Variants in AUTS2 observed in about 807,000 individuals in gnomAD.
AUTS2 encodes activator of transcription and developmental regulator AUTS2.
In AUTS2, 17 loss-of-function variants were observed where a neutral mutation model predicts 112.4. The ratio of observed to expected loss-of-function variants is 0.15; its 90% CI spans 0.10 to 0.23. AUTS2 has a LOEUF of 0.23. Among genes scored for constraint, AUTS2 ranks in the 10% least tolerant of loss-of-function variants. The probability of loss-of-function intolerance (pLI) is 1.00; values close to 1 mark genes in which losing one functional copy is unlikely to be tolerated. For missense variants in AUTS2, 1,510 were observed against 1,701.6 expected, an observed-to-expected ratio of 0.89 and a Z score of 1.98; for synonymous variants, 751 against 702.7, an observed-to-expected ratio of 1.07 and a Z score of -1.09.
intron 5 of AUTS2, among the ~76,000 whole-genome samples, chr7:70,442,348 C>T (rs1048102651): frequency 6.6e-6 from 1 of 152,108 alleles, no homozygotes; most frequent in Non-Finnish European, 1.5e-5. Context: ...ACTTCCTGGA[C>T]CCCCAAAATG....
chr7:69,809,566 C>T (rs560926094), intron 1 of AUTS2, among the ~76,000 whole-genome samples: 16 of 152,280 alleles, frequency 1.1e-4, no homozygotes, highest in African/African-American at 3.8e-4. Context: ...AAGACAAATA[C>T]CCATGCTCAG....
chr7:69,920,435 C>T (rs929358541), intron 2 of AUTS2, among the ~76,000 whole-genome samples: 3 of 152,000 alleles, frequency 2.0e-5, no homozygotes, highest in African/African-American at 7.2e-5. Flanking sequence ...TACAGGTATG[C>T]ACCACCATGC....
chr7:70,483,607 A>G (rs143631544), intron 5 of AUTS2, among the ~76,000 whole-genome samples: 4 of 152,134 alleles, frequency 2.6e-5, no homozygotes, highest in South Asian at 2.1e-4. Context: ...CAGTTTCCTC[A>G]TCTGGAAAAT....
intron 2 of AUTS2, among the ~76,000 whole-genome samples, chr7:70,111,829 C>T (rs1003982364): frequency 6.6e-6 from 1 of 152,024 alleles, no homozygotes; most frequent in African/African-American, 2.4e-5. Context: ...ATGTTTACTT[C>T]TGTATTTAGA....
chr7:70,476,445 CAG>C (rs1249312352), intron 5 of AUTS2, among the ~76,000 whole-genome samples: 2 of 152,348 alleles, frequency 1.3e-5, no homozygotes, highest in South Asian at 4.1e-4. Context: ...AGACCAGAGA[CAG>C]AGTCTTTCCA....
At chr7:69,889,489 C>T (rs1463711793) in intron 1 of AUTS2, among the ~76,000 whole-genome samples, 1 of 152,210 alleles carries the variant, frequency 6.6e-6, no homozygotes, top group East Asian at 1.9e-4. Context: ...ACAAGTACCT[C>T]TTGTCTTTTT....
At chr7:70,285,403 G>A (rs1324344604) in intron 4 of AUTS2, among the ~76,000 whole-genome samples, 1 of 152,154 alleles carries the variant, frequency 6.6e-6, no homozygotes, top group African/African-American at 2.4e-5. Flanking sequence ...TTGGGACAGT[G>A]TTGTACAGTG....
intron 5 of AUTS2, among the ~76,000 whole-genome samples, chr7:70,647,629 T>C (rs1806243732): frequency 6.6e-6 from 1 of 152,170 alleles, no homozygotes; most frequent in Non-Finnish European, 1.5e-5. Context: ...CTGGCTCGTC[T>C]CCTGTGTGAT....
chr7:70,355,625 C>T (rs575517949), intron 4 of AUTS2, among the ~76,000 whole-genome samples: 1 of 152,106 alleles, frequency 6.6e-6, no homozygotes, highest in Non-Finnish European at 1.5e-5. Context: ...ACTTCTGACA[C>T]GAGGCAGGTC....
At chr7:69,662,329 T>C in intron 1 of AUTS2, among the ~76,000 whole-genome samples, 1 of 152,192 alleles carries the variant, frequency 6.6e-6, no homozygotes, top group East Asian at 1.9e-4. Flanking sequence ...TATTTTCTGG[T>C]TCCAGGTGTG....
chr7:69,665,238 C>T (rs1431704915), intron 1 of AUTS2, among the ~76,000 whole-genome samples: 4 of 152,232 alleles, frequency 2.6e-5, no homozygotes, highest in South Asian at 4.1e-4. Context: ...TTTCACTTTG[C>T]TCTGTGGATT....
At chr7:70,753,423 C>T (rs1377211337) in intron 6 of AUTS2, among the ~76,000 whole-genome samples, 1 of 152,168 alleles carries the variant, frequency 6.6e-6, no homozygotes, top group African/African-American at 2.4e-5. Flanking sequence ...GCCAAGCACC[C>T]ATCATTCCCC....
chr7:69,861,192 C>G (rs1792965933), intron 1 of AUTS2, among the ~76,000 whole-genome samples: 2 of 152,162 alleles, frequency 1.3e-5, no homozygotes, highest in Non-Finnish European at 2.9e-5. Context: ...AATGCTGCTG[C>G]TCTCCCCTTA....
At chr7:70,761,676 C>T (rs1789572339) in intron 6 of AUTS2, among the ~76,000 whole-genome samples, 1 of 152,164 alleles carries the variant, frequency 6.6e-6, no homozygotes, top group Non-Finnish European at 1.5e-5. Context: ...ATGGGGTAAT[C>T]AAGCCATTCT....
chr7:70,547,012 C>T (rs1450424476), intron 5 of AUTS2, among the ~76,000 whole-genome samples: 2 of 152,182 alleles, frequency 1.3e-5, no homozygotes, highest in African/African-American at 4.8e-5. Context: ...ATATAATCTA[C>T]ATGCCGTAAT....
intron 2 of AUTS2, among the ~76,000 whole-genome samples, chr7:70,017,584 C>A (rs2129554897): frequency 6.6e-6 from 1 of 152,158 alleles, no homozygotes; most frequent in South Asian, 2.1e-4. Context: ...GGTTCCCTGC[C>A]CTGCAGGGGA....
At chr7:69,740,364 G>C (rs960724743) in intron 1 of AUTS2, among the ~76,000 whole-genome samples, 6 of 152,148 alleles carry the variant, frequency 3.9e-5, no homozygotes, top group Non-Finnish European at 7.4e-5. Flanking sequence ...AAGGTAGGTG[G>C]GGGGAGGAGA....
chr7:69,741,434 G>A (rs1057485462), intron 1 of AUTS2, among the ~76,000 whole-genome samples: 2 of 152,188 alleles, frequency 1.3e-5, no homozygotes, highest in African/African-American at 4.8e-5. Context: ...GACAGGTGCG[G>A]TGGCTCACAC....
intron 2 of AUTS2, among the ~76,000 whole-genome samples, chr7:70,013,171 C>T (rs1008055622): frequency 3.3e-5 from 5 of 152,116 alleles, no homozygotes; most frequent in African/African-American, 9.7e-5. Context: ...ACCTGTGATG[C>T]GATGAATACT....
Sources: allele counts gnomAD v4.1 joint callset (sites outside exome capture counted in the v4.1 genomes callset), GRCh38; gene constraint gnomAD v4.1.1; transcripts MANE v1.5; gene names NCBI Gene and HGNC (gene_info 2026-07-23, HGNC 2026-07-21).